The following SVEP1 variants were observed in gnomAD, a reference collection of about 807,000 sequenced individuals.
SVEP1 encodes the protein sushi, von Willebrand factor type A, EGF and pentraxin domain-containing protein 1.
A neutral mutation model predicts 367.3 loss-of-function variants in SVEP1; 164 were observed. That is an observed-to-expected ratio of 0.45 (90% confidence interval 0.39 to 0.51). SVEP1 has a LOEUF of 0.51. SVEP1 is among the 20% of genes least tolerant of loss of function. The probability of loss-of-function intolerance (pLI) is 0.00; values close to 1 mark genes in which losing one functional copy is unlikely to be tolerated. For synonymous variants in SVEP1, 1,666 were observed against 1,611.6 expected (o/e 1.03, Z -0.81); for missense variants, 4,117 against 4,425.3 (o/e 0.93, Z 1.98).
intron 4 of SVEP1, among the ~76,000 whole-genome samples, chr9:110,513,458 A>C (rs1588087746): frequency 6.6e-6 from 1 of 152,202 alleles, no homozygotes; most frequent in African/African-American, 2.4e-5. Context: ...AAGAACAAAT[A>C]AGGCTAGCAA....
Position 110,406,455 on chromosome 9 carries a change from C to T in SVEP1, c.9145G>A (p.Asp3049Asn), listed in dbSNP as rs367711816. 57 of 1,613,932 alleles carry T rather than the reference C, an allele frequency of 3.5e-5. No homozygotes were observed. The highest frequency in any genetic ancestry group is 3.2e-4 in the African/African-American group (24 of 74,950). The change falls in exon 38 of 48, where the codon GAT (aspartate) becomes AAT (asparagine). Residue 3049 changes from aspartate to asparagine, a missense_variant. Physicochemically the swap from Asp to Asn is conservative, Grantham distance 23 (BLOSUM62 1). Coordinates refer to ENST00000374469, the MANE Select transcript of SVEP1 (RefSeq NM_153366.4). ...LGLSEITCEA[D>N]GQWSSGFPHC... ...GGGAACCCAGAGCTCCACTGGCCAT[C>T]GGCTTCACAGGTGATTTCAGAAAGT...
chr9:110,462,047 G>A (rs1828866024), intron 18 of SVEP1, among the ~76,000 whole-genome samples: 1 of 152,098 alleles, frequency 6.6e-6, no homozygotes, highest in African/African-American at 2.4e-5. Context: ...GCTGGTAAAA[G>A]TATAAAACTT....
Position 110,450,265 on chromosome 9 carries a change from G to A in SVEP1, c.3902-5C>T, listed in dbSNP as rs1828672358. Reference sequence around the variant, plus strand: ...CTTCTGTTTCACAATGCAGGCCTGAGGATGGAGAAGGAAGAGAAACAGCCC... The same window carrying A: ...CTTCTGTTTCACAATGCAGGCCTGAAGATGGAGAAGGAAGAGAAACAGCCC... On this transcript the variant is annotated splice_region_variant and splice_polypyrimidine_tract_variant and intron_variant, in intron 23 of 47. Transcript: ENST00000374469. 1 of 1,613,510 alleles carries A rather than the reference G, an allele frequency of 6.2e-7. No homozygotes were observed. Among genetic ancestry groups the A allele is most frequent in the South Asian group, 1.1e-5 (1 of 91,050 alleles).
chr9:110,528,454 T>A (rs895877797), intron 3 of SVEP1, among the ~76,000 whole-genome samples: 2 of 151,788 alleles, frequency 1.3e-5, no homozygotes, highest in African/African-American at 4.8e-5. Flanking sequence ...TTTCACCATA[T>A]CCGTGCCAAC....
intron 40 of SVEP1, among the ~76,000 whole-genome samples, chr9:110,393,235 A>G (rs193214807): frequency 1.9e-3 from 296 of 152,332 alleles, no homozygotes; most frequent in Admixed American, 3.7e-3. Context: ...AAAAACAGGA[A>G]AACACTCCGA....
In SVEP1 at chr9:110,549,879, C is replaced by G. The variant is rs1394290600; in HGVS notation, c.757G>C (p.Glu253Gln). ...TGCAATGCCCGGCGAGCTAAAGCCT[C>G]AAATTCTTCAAAACTGTGTAGCAGG... Reference protein sequence around the residue: ...CYLLHSFEEFEALARRALHED... With the variant: ...CYLLHSFEEFQALARRALHED... The change falls in exon 2 of 48, where the codon GAG becomes CAG. Residue 253 changes from glutamate to glutamine, a missense_variant. Around this residue, in one of 4 missense-constraint regions of SVEP1, gnomAD observed 2,174 missense variants for 2,494.3 expected, o/e 0.87. Coordinates refer to ENST00000374469, the MANE Select transcript of SVEP1 (RefSeq NM_153366.4). 1 of 1,613,768 alleles carries G rather than the reference C, an allele frequency of 6.2e-7. No individual in the cohort carries two copies.
chr9:110,579,098 T>G lies in SVEP1; in HGVS notation c.446A>C (p.Lys149Thr). The G allele has an allele frequency of 6.4e-7, 1 of 1,552,838 alleles. No homozygotes were observed. The highest frequency in any genetic ancestry group is 8.7e-7 in the Non-Finnish European group (1 of 1,148,412). Residue 149 changes from lysine (K) to threonine (T), a missense_variant, in exon 1 of 48, where the codon AAG becomes ACG. Physicochemically the swap from Lys to Thr is moderately conservative, Grantham distance 78 (BLOSUM62 -1). Around this residue, in one of 4 missense-constraint regions of SVEP1, gnomAD observed 2,174 missense variants for 2,494.3 expected, o/e 0.87. Coordinates refer to ENST00000374469, the MANE Select transcript of SVEP1 (RefSeq NM_153366.4). The surrounding 1 kb of genome is among the most constrained non-coding windows in gnomAD (Gnocchi z 5.3). ...YISTRRARQH[K>T]CALLLQEIPA... ...GATCTCTTGGAGGAGCAGCGCGCAC[T>G]TGTGCTGGCGCGCGCGGCGGGTGGA...
rs1827609538 is a variant in SVEP1, at chr9:110,390,055, A to ACACACACACACT, written c.9823-469_9823-468insAGTGTGTGTGTG. On this transcript the variant is annotated intron_variant, in intron 40 of 47. Transcript: ENST00000374469. ...TATATATATAAGTATATATACACGTATATATATAAGTATATATATATACGT... is the reference window on the plus strand; with the variant it reads ...TATATATATAAGTATATATACACGTACACACACACACTTATATATAAGTATATATATATACGT... Among the ~76,000 whole-genome samples the ACACACACACACT allele has an allele frequency of 4.8e-5, 6 of 124,096 alleles. No homozygotes were observed. In the South Asian group the frequency reaches 1.6e-3, roughly 34 times the overall value. 81.4% of individuals were successfully genotyped at this position (124,096 alleles called of 152,430 possible).
At chr9:110,486,946 T>TTCTC (rs142014340) in intron 9 of SVEP1, among the ~76,000 whole-genome samples, 5 of 147,580 alleles carry the variant, frequency 3.4e-5, no homozygotes, top group South Asian at 2.2e-4. Context: ...CACCTGGACC[T>TTCTC]TCTCTCTCTC....
At chr9:110,501,756 AATG>A (rs1829535705) in intron 6 of SVEP1, among the ~76,000 whole-genome samples, 2 of 152,174 alleles carry the variant, frequency 1.3e-5, no homozygotes, top group Admixed American at 6.5e-5. Context: ...ATGTGTTTTA[AATG>A]ATAATGAATG....
At chr9:110,429,061 C>T (rs1317551274) in intron 35 of SVEP1, 82 bp downstream of exon 35, 1 of 1,173,304 alleles carries the variant, frequency 8.5e-7, no homozygotes, top group Non-Finnish European at 1.2e-6. Flanking sequence ...ACAGTGAGAC[C>T]ATGTCTCAAA....
Position 110,430,283 on chromosome 9 carries a change from A to G in SVEP1, c.5521T>C (p.Tyr1841His), listed in dbSNP as rs1254871646. ...ESGEWNHLIP[Y>H]CKAVSCGKPA... ...AATTTACTAAACATACCTTTACAAT[A>G]TGGTATTAGATGATTCCATTCTCCA... The change falls in exon 33 of 48, where the codon TAT becomes CAT. Residue 1841 changes from tyrosine (Y) to histidine (H), a missense_variant. Around this residue, in one of 4 missense-constraint regions of SVEP1, gnomAD observed 2,174 missense variants for 2,494.3 expected, o/e 0.87. Coordinates refer to ENST00000374469, the MANE Select transcript of SVEP1 (RefSeq NM_153366.4). 2.5e-6 allele frequency: 4 copies of G among 1,611,650 alleles called. No homozygotes were observed. Among genetic ancestry groups the G allele is most frequent in the Non-Finnish European group, 3.4e-6 (4 of 1,179,018 alleles).
intron 38 of SVEP1, among the ~76,000 whole-genome samples, chr9:110,405,092 A>G (rs7048505): frequency 0.61 from 92,365 of 152,014 alleles, 29,153 homozygotes; most frequent in African/African-American, 0.79. Context: ...TGAAAAGTTA[A>G]TCAAGACTAA....
chr9:110,517,497 C>G lies in SVEP1; in HGVS notation c.965-3391G>C, dbSNP rs1378700684. Among the ~76,000 whole-genome samples the G allele has an allele frequency of 2.0e-5, 3 of 151,042 alleles. No individual in the cohort carries two copies. The East Asian group carries it at 5.8e-4, about 29-fold the overall frequency. On this transcript the variant is annotated intron_variant, in intron 3 of 47. Transcript: ENST00000374469. Reference sequence around the variant, plus strand: ...TCTGTAATCCCAGCTACTTGGGAGGCTGAGGCAGGAGAATCACTTGAACTC... The same window carrying G: ...TCTGTAATCCCAGCTACTTGGGAGGGTGAGGCAGGAGAATCACTTGAACTC...
At position 110,448,129 on chromosome 9, in the gene SVEP1, ATG is replaced by A. The variant is rs143871165; in HGVS notation, c.4104-1074_4104-1073del. 7.3e-4 allele frequency among the ~76,000 whole-genome samples: 104 copies of A among 142,954 alleles called. 1 individual carries two copies. The East Asian group carries it at 8.1e-3, about 11-fold the overall frequency. 93.8% of individuals were successfully genotyped at this position (142,954 alleles called of 152,430 possible). On this transcript the variant is annotated intron_variant, in intron 24 of 47. Coordinates refer to ENST00000374469, the MANE Select transcript of SVEP1 (RefSeq NM_153366.4). Reference sequence around the variant, plus strand: ...GATTACTGCTGGGGGAAGAAAGTGAATGTGTGTGTGTGTGTGTGTGCGCGTGT... The same window carrying A: ...GATTACTGCTGGGGGAAGAAAGTGAATGTGTGTGTGTGTGTGTGCGCGTGT...
chr9:110,516,085 T>C (rs1343397403), intron 3 of SVEP1, among the ~76,000 whole-genome samples: 1 of 151,200 alleles, frequency 6.6e-6, no homozygotes, highest in Non-Finnish European at 1.5e-5. Context: ...ATGCTAAAGC[T>C]AAATCATTAT....
chr9:110,398,421 A>T (rs1306530625), intron 40 of SVEP1, among the ~76,000 whole-genome samples: 1 of 152,218 alleles, frequency 6.6e-6, no homozygotes, highest in Non-Finnish European at 1.5e-5. Context: ...ACCATTCAGG[A>T]CATAGGCATG....
Position 110,365,887 on chromosome 9 carries a change from T to G in SVEP1, c.*652A>C, listed in dbSNP as rs921878588. The G allele has an allele frequency of 6.6e-6, 1 of 152,244 alleles. No individual in the cohort carries two copies. Among genetic ancestry groups the G allele is most frequent in the Admixed American group, 6.5e-5 (1 of 15,288 alleles). The allele number at this position is 152,244 out of a possible 1,614,324, so 9.4% of individuals were successfully genotyped here. On this transcript the variant is annotated 3_prime_UTR_variant, in exon 48 of 48. Coordinates refer to ENST00000374469, the MANE Select transcript of SVEP1 (RefSeq NM_153366.4). ...TGTTTCTCCACATCCATGAAGTTAATGCCTACGGCTTTTCAAATGTTGTGA... is the reference window on the plus strand; with the variant it reads ...TGTTTCTCCACATCCATGAAGTTAAGGCCTACGGCTTTTCAAATGTTGTGA...
rs531682706 is a variant in SVEP1 at position 110,469,550 on chromosome 9, C to T, written c.2999-449G>A. Among the ~76,000 whole-genome samples, 17 of 152,326 alleles carry T rather than the reference C, an allele frequency of 1.1e-4. No homozygotes were observed. The South Asian group carries it at 3.3e-3, about 30-fold the overall frequency. On this transcript the variant is annotated intron_variant, in intron 16 of 47. Coordinates refer to ENST00000374469, the MANE Select transcript of SVEP1 (RefSeq NM_153366.4). ...TTGAAACTGACTGCTTGTCAGTTAGCACCCTCCTTTTCTTGAGATTTGGTA... is the reference window on the plus strand; with the variant it reads ...TTGAAACTGACTGCTTGTCAGTTAGTACCCTCCTTTTCTTGAGATTTGGTA...
Sources: gnomAD v4.1 joint callset for allele counts (sites outside exome capture counted in the v4.1 genomes callset) on GRCh38, gnomAD v4.1.1 for gene constraint, gnomAD v4.1.1 regional missense constraint, Gnocchi (gnomAD v3.1) non-coding constraint, MANE v1.5 for transcripts, NCBI Gene and HGNC (gene_info 2026-07-23, HGNC 2026-07-21) for gene names.